DPYSL5: variants seen among roughly 807,000 people sequenced by gnomAD.
The protein encoded by DPYSL5 is dihydropyrimidinase like 5.
A neutral mutation model predicts 58.4 loss-of-function variants in DPYSL5; 9 were observed. The ratio of observed to expected loss-of-function variants is 0.15; its 90% confidence interval spans 0.09 to 0.27. The LOEUF (loss-of-function observed/expected upper bound fraction) is 0.27. Ranked by LOEUF, DPYSL5 falls within the 10% of genes least tolerant of loss-of-function variation. The pLI, the probability that DPYSL5 is intolerant of heterozygous loss-of-function variation, is 1.00. For synonymous variants in DPYSL5, 293 were observed against 301.9 expected, an observed-to-expected ratio of 0.97 and a Z score of 0.31; for missense variants, 499 against 770.6, an observed-to-expected ratio of 0.65 and a Z score of 4.17.
chr2:26,911,357 T>C (rs1022470459), intron 2 of DPYSL5, among the ~76,000 whole-genome samples: 12 of 144,760 alleles, frequency 8.3e-5, no homozygotes, highest in Admixed American at 7.5e-5. Context: ...GCAAATAGTT[T>C]AGTGCAGGCT....
At chr2:26,889,089 C>T (rs181378648) in intron 1 of DPYSL5, among the ~76,000 whole-genome samples, 1 of 152,218 alleles carries the variant, frequency 6.6e-6, no homozygotes, top group East Asian at 1.9e-4. Flanking sequence ...CAAATACTGT[C>T]ACACAGGAGA....
intron 2 of DPYSL5, among the ~76,000 whole-genome samples, chr2:26,918,034 G>A (rs191116688): frequency 2.2e-4 from 34 of 151,114 alleles, no homozygotes; most frequent in Admixed American, 2.2e-3. Context: ...CTACTTGGGA[G>A]GCTGGGGCAC....
chr2:26,944,611 G>A lies in DPYSL5; in HGVS notation c.1441-45G>A, dbSNP rs758037513. The A allele has an allele frequency of 3.8e-5, 60 of 1,597,580 alleles. No homozygotes were observed. Among genetic ancestry groups the A allele is most frequent in the Non-Finnish European group, 5.0e-5 (58 of 1,170,392 alleles). ...GGCCATGGTTGTATCACTCAGCTCTGATGGTGTTGTCCTGTTCTTCTGCTC... is the reference window on the plus strand; with the variant it reads ...GGCCATGGTTGTATCACTCAGCTCTAATGGTGTTGTCCTGTTCTTCTGCTC... On this transcript the variant is annotated intron_variant, in intron 11 of 12. Transcript: ENST00000288699. This position sits in a 1 kb window ranked among gnomAD's most constrained non-coding sequence, Gnocchi z 4.4.
Position 26,942,029 on chromosome 2 carries a change from G to T in DPYSL5, c.1169G>T (p.Arg390Leu). ...NAAKLLNLYP[R>L]KGRIIPGADA... ...GCTAAGCTTCTGAACCTGTATCCCC[G>T]CAAGGGCCGCATTATTCCCGGAGCC... The change falls in exon 10 of 13, where the codon CGC becomes CTC. Residue 390 changes from arginine (R) to leucine (L), a missense_variant. Arg to Leu is a moderately radical substitution (Grantham distance 102, BLOSUM62 -2). This residue lies in a region of DPYSL5 where 404 missense variants were observed against 647.6 expected (regional missense o/e 0.62). Coordinates refer to ENST00000288699, the MANE Select transcript of DPYSL5 (RefSeq NM_020134.4). This position sits in a 1 kb window ranked among gnomAD's most constrained non-coding sequence, Gnocchi z 5.9. 1 of 1,614,162 alleles carries T rather than the reference G, an allele frequency of 6.2e-7. No individual in the cohort carries two copies.
In DPYSL5 at chr2:26,929,673, A is replaced by T. The variant is rs566069564; in HGVS notation, c.669+1350A>T. Reference sequence around the variant, plus strand: ...AAATGGTTGGGGACTGCCGCTTTGGACCCTTTCCACCAAAAACAGGAGACA... The same window carrying T: ...AAATGGTTGGGGACTGCCGCTTTGGTCCCTTTCCACCAAAAACAGGAGACA... On this transcript the variant is annotated intron_variant, in intron 5 of 12. Transcript: ENST00000288699. Among the ~76,000 whole-genome samples the T allele has an allele frequency of 5.3e-5, 8 of 152,152 alleles. No individual in the cohort carries two copies. The South Asian group carries it at 1.5e-3, about 28-fold the overall frequency.
rs764179074 is a variant in DPYSL5 at position 26,940,600 on chromosome 2, T to A, written c.1089+428T>A. 3.7e-4 allele frequency among the ~76,000 whole-genome samples: 56 copies of A among 151,932 alleles called. 1 individual carries two copies. The highest frequency in any genetic ancestry group is 1.2e-4 in the Non-Finnish European group (8 of 67,986). On this transcript the variant is annotated intron_variant, in intron 9 of 12. Transcript: ENST00000288699. ...ACCTCTGCCTCCTTAAGTGCTGCGATTATAGGTGTGAGCCACCACACCCAG... is the reference window on the plus strand; with the variant it reads ...ACCTCTGCCTCCTTAAGTGCTGCGAATATAGGTGTGAGCCACCACACCCAG...
chr2:26,923,208 G>A (rs1368575032), intron 2 of DPYSL5, among the ~76,000 whole-genome samples: 5 of 152,208 alleles, frequency 3.3e-5, no homozygotes, highest in Non-Finnish European at 7.3e-5. Context: ...GTTCATGCCT[G>A]CAGTCCCAGC....
At chr2:26,871,245 C>T (rs1270368783) in intron 1 of DPYSL5, among the ~76,000 whole-genome samples, 1 of 152,176 alleles carries the variant, frequency 6.6e-6, no homozygotes, top group East Asian at 1.9e-4. Context: ...TGATTGAGAA[C>T]ATTGTCTCCT....
At chr2:26,885,548 G>C (rs909891950) in intron 1 of DPYSL5, among the ~76,000 whole-genome samples, 3 of 152,124 alleles carry the variant, frequency 2.0e-5, no homozygotes, top group African/African-American at 7.2e-5. Context: ...CCCGCCCCTG[G>C]GTTAATGGAA....
At chr2:26,946,675 C>T (rs971115708) in intron 12 of DPYSL5, among the ~76,000 whole-genome samples, 5 of 152,294 alleles carry the variant, frequency 3.3e-5, no homozygotes, top group Middle Eastern at 3.4e-3. Context: ...TTAATAATGT[C>T]GGCTCTGAAT....
chr2:26,865,785 G>T (rs1367342449), intron 1 of DPYSL5, among the ~76,000 whole-genome samples: 3 of 152,208 alleles, frequency 2.0e-5, no homozygotes, highest in Non-Finnish European at 4.4e-5. Context: ...AAACTCCTCA[G>T]TTGTAAGCAA....
Position 26,933,161 on chromosome 2 carries a change from AGGCG to A in DPYSL5, c.715-96_715-93del. The stretch of plus-strand genomic sequence containing the variant: ...GGGTGGGGTTGAGTGACGCAGGGGG[AGGCG>A]CTGGTGCCAGGGCTGACTTTGCCAG... On this transcript the variant is annotated intron_variant, in intron 6 of 12. Coordinates refer to ENST00000288699, the MANE Select transcript of DPYSL5 (RefSeq NM_020134.4). This position sits in a 1 kb window ranked among gnomAD's most constrained non-coding sequence, Gnocchi z 4.2. The A allele has an allele frequency of 9.7e-7, 1 of 1,028,698 alleles. No homozygotes were observed. Among genetic ancestry groups the A allele is most frequent in the African/African-American group, 1.6e-5 (1 of 63,610 alleles). The allele number at this position is 1,028,698 out of a possible 1,614,324, so 63.7% of individuals were successfully genotyped here.
intron 1 of DPYSL5, among the ~76,000 whole-genome samples, chr2:26,888,204 C>CT (rs1352132731): frequency 3.1e-4 from 41 of 131,544 alleles, no homozygotes; most frequent in Non-Finnish European, 5.3e-4. Flanking sequence ...CCTTCCTTCC[C>CT]TTTCTTTTCT....
At chr2:26,866,606 C>T (rs1666147971) in intron 1 of DPYSL5, among the ~76,000 whole-genome samples, 1 of 151,948 alleles carries the variant, frequency 6.6e-6, no homozygotes, top group Non-Finnish European at 1.5e-5. Flanking sequence ...ATGGATATCC[C>T]AATTACCCTG....
chr2:26,881,900 G>A (rs1222991658), intron 1 of DPYSL5, among the ~76,000 whole-genome samples: 1 of 151,962 alleles, frequency 6.6e-6, no homozygotes, highest in African/African-American at 2.4e-5. Context: ...GACCATCCTG[G>A]CTAACACGGT....
intron 1 of DPYSL5, among the ~76,000 whole-genome samples, chr2:26,851,252 C>G (rs1665743090): frequency 1.5e-5 from 1 of 66,006 alleles, no homozygotes; most frequent in African/African-American, 1.1e-4. Context: ...ATGTAATCTT[C>G]TTAAAGCACT....
intron 12 of DPYSL5, 23 bp from the exon 13 acceptor site, chr2:26,946,887 C>T (rs774552226): frequency 1.2e-6 from 2 of 1,607,060 alleles, no homozygotes; most frequent in African/African-American, 1.3e-5. Flanking sequence ...CCCGTCTCAC[C>T]CTCTGTGCTT....
intron 1 of DPYSL5, among the ~76,000 whole-genome samples, chr2:26,872,223 C>T (rs1023289307): frequency 2.0e-5 from 3 of 152,166 alleles, no homozygotes; most frequent in African/African-American, 7.2e-5. Flanking sequence ...GCTGGAGTTG[C>T]GGGTGCCTAA....
At chr2:26,862,332 T>C (rs2148111000) in intron 1 of DPYSL5, among the ~76,000 whole-genome samples, 1 of 152,380 alleles carries the variant, frequency 6.6e-6, no homozygotes, top group East Asian at 1.9e-4. Flanking sequence ...TTTATTTCTC[T>C]TTCTTTTCGT....
Sources: gnomAD v4.1 joint callset for allele counts (sites outside exome capture counted in the v4.1 genomes callset) on GRCh38, gnomAD v4.1.1 for gene constraint, gnomAD v4.1.1 regional missense constraint, Gnocchi (gnomAD v3.1) non-coding constraint, MANE v1.5 for transcripts, NCBI Gene and HGNC (gene_info 2026-07-23, HGNC 2026-07-21) for gene names.